VNN1: variants seen among roughly 807,000 people sequenced by gnomAD.
The protein encoded by VNN1 is vanin 1, also known as pantetheinase.
Under a neutral mutation model 41.9 loss-of-function variants are expected in VNN1, and 29 were observed. The observed-to-expected ratio is 0.69, with a 90% CI of 0.52 to 0.94. The LOEUF is 0.94. VNN1 is among the 40% of genes least tolerant of loss of function. VNN1 has a pLI of 0.00. For synonymous variants in VNN1, 233 were observed against 224.4 expected (o/e 1.04, Z -0.34); for missense variants, 637 against 621.1 (o/e 1.03, Z -0.27).
In VNN1 at chr6:132,693,984, T is replaced by A; in HGVS notation, c.534+6A>T. The A allele has an allele frequency of 3.1e-6, 5 of 1,614,058 alleles. No homozygotes were observed. The highest frequency in any genetic ancestry group is 4.2e-6 in the Non-Finnish European group (5 of 1,179,966). On this transcript the variant is annotated splice_donor_region_variant and intron_variant, in intron 3 of 6. Coordinates refer to ENST00000367928, the MANE Select transcript of VNN1 (RefSeq NM_004666.3). ...ACTAATTGGATTATTTGCAAATTAA[T>A]TTTACCTTATGGTAGCGTGCCACCA...
chr6:132,694,287 A>C, intron 2 of VNN1, 105 bp from the exon 3 acceptor site: 2 of 1,118,986 alleles, frequency 1.8e-6, no homozygotes, highest in Non-Finnish European at 2.5e-6. Flanking sequence ...TATATGCAAA[A>C]GTAAATTCTA....
chr6:132,698,161 T>G (rs1778398331), intron 2 of VNN1, among the ~76,000 whole-genome samples: 1 of 152,242 alleles, frequency 6.6e-6, no homozygotes, highest in Non-Finnish European at 1.5e-5. Flanking sequence ...GCTTCATCCA[T>G]GATATTTGCT....
intron 2 of VNN1, among the ~76,000 whole-genome samples, chr6:132,696,306 T>A (rs978597733): frequency 2.6e-5 from 4 of 152,016 alleles, no homozygotes; most frequent in South Asian, 4.2e-4. Flanking sequence ...ACAAAAAATA[T>A]TAAAGAAAAT....
In VNN1 at chr6:132,692,533, T is replaced by G. The variant is rs781161333; in HGVS notation, c.878A>C (p.Lys293Thr). 2 of 1,608,046 alleles carry G rather than the reference T, an allele frequency of 1.2e-6. No homozygotes were observed. Among genetic ancestry groups the G allele is most frequent in the South Asian group, 2.2e-5 (2 of 90,568 alleles). Residue 293 changes from lysine to threonine, a missense_variant, in exon 5 of 7, where the codon AAG becomes ACG. Coordinates refer to ENST00000367928, the MANE Select transcript of VNN1 (RefSeq NM_004666.3). ...GAGGAGGAGTTTTCCCTCTTCTGTC[T>G]TCATATCATAATGAAATGCTCTTGA... Reference protein sequence around the residue: ...NSSRAFHYDMKTEEGKLLLSQ... With the variant: ...NSSRAFHYDMTTEEGKLLLSQ...
intron 1 of VNN1, 119 bp downstream of exon 1, chr6:132,713,707 G>T: frequency 1.8e-6 from 2 of 1,085,840 alleles, no homozygotes; most frequent in Non-Finnish European, 2.6e-6. Flanking sequence ...AAAGGTTCTT[G>T]GCTACTCTGA....
intron 5 of VNN1, among the ~76,000 whole-genome samples, chr6:132,689,327 T>C (rs1778250771): frequency 6.6e-6 from 1 of 152,146 alleles, no homozygotes; most frequent in Non-Finnish European, 1.5e-5. Flanking sequence ...TGAGTCTCTG[T>C]TAAACCATTG....
Position 132,681,042 on chromosome 6 carries a change from T to G in VNN1, c.*2098A>C, listed in dbSNP as rs547502436. On this transcript the variant is annotated 3_prime_UTR_variant, in exon 7 of 7. Transcript: ENST00000367928. ...TATAAATATAAATACATATATTCAC[T>G]ATGATAGCATCCAAAATGGCCCCCA... Among the ~76,000 whole-genome samples the G allele has an allele frequency of 6.6e-6, 1 of 152,288 alleles. No individual in the cohort carries two copies. Among genetic ancestry groups the G allele is most frequent in the African/African-American group, 2.4e-5 (1 of 41,560 alleles).
In VNN1 at chr6:132,713,814, T is replaced by C. The variant is rs760517506; in HGVS notation, c.210+12A>G. The C allele has an allele frequency of 4.3e-6, 7 of 1,611,920 alleles. No homozygotes were observed. The highest frequency in any genetic ancestry group is 1.1e-5 in the South Asian group (1 of 90,980). On this transcript the variant is annotated intron_variant, in intron 1 of 6. Coordinates refer to ENST00000367928, the MANE Select transcript of VNN1 (RefSeq NM_004666.3). ...AGAATCCAGTACACTGGAGAGATGGTAGAGATGGTACCTGATCTGCTGCTG... is the reference window on the plus strand; with the variant it reads ...AGAATCCAGTACACTGGAGAGATGGCAGAGATGGTACCTGATCTGCTGCTG...
intron 2 of VNN1, among the ~76,000 whole-genome samples, chr6:132,706,473 A>G (rs1397201845): frequency 6.6e-6 from 1 of 152,168 alleles, no homozygotes; most frequent in Non-Finnish European, 1.5e-5. Context: ...ATGAAAGTAG[A>G]CCCCTATCTC....
At chr6:132,710,763 A>C (rs2114376932) in intron 2 of VNN1, among the ~76,000 whole-genome samples, 1 of 152,302 alleles carries the variant, frequency 6.6e-6, no homozygotes, top group South Asian at 2.1e-4. Context: ...TTCTTTATCC[A>C]GTCTACCATT....
At chr6:132,691,009 A>G (rs1778274509) in intron 5 of VNN1, among the ~76,000 whole-genome samples, 1 of 152,216 alleles carries the variant, frequency 6.6e-6, no homozygotes, top group Non-Finnish European at 1.5e-5. Flanking sequence ...CCACGGATAA[A>G]GGACCAAACA....
At chr6:132,704,734 T>TA (rs1318425209) in intron 2 of VNN1, among the ~76,000 whole-genome samples, 2 of 147,908 alleles carry the variant, frequency 1.4e-5, no homozygotes, top group Non-Finnish European at 3.0e-5. Flanking sequence ...GAAATTGAAA[T>TA]AAAAAACATC....
chr6:132,713,655 T>C (rs1450192278), intron 1 of VNN1, among the ~76,000 whole-genome samples, 171 bp downstream of exon 1: 1 of 152,230 alleles, frequency 6.6e-6, no homozygotes, highest in African/African-American at 2.4e-5. Flanking sequence ...GGGAAGTCCT[T>C]GCTCTAATTT....
chr6:132,703,789 T>C (rs565568283), intron 2 of VNN1, among the ~76,000 whole-genome samples: 169 of 151,992 alleles, frequency 1.1e-3, no homozygotes, highest in African/African-American at 3.9e-3. Context: ...AAAAAATCAA[T>C]GGCAATGGTC....
At chr6:132,707,675 C>T (rs1207416555) in intron 2 of VNN1, among the ~76,000 whole-genome samples, 2 of 152,192 alleles carry the variant, frequency 1.3e-5, no homozygotes, top group South Asian at 2.1e-4. Flanking sequence ...GAAAGGCAAA[C>T]ATCACATGTT....
chr6:132,696,799 G>A (rs918366879), intron 2 of VNN1, among the ~76,000 whole-genome samples: 3 of 150,654 alleles, frequency 2.0e-5, no homozygotes, highest in Non-Finnish European at 3.0e-5. Flanking sequence ...GAGGGGAGAG[G>A]AGGGGAGGGG....
intron 2 of VNN1, among the ~76,000 whole-genome samples, chr6:132,694,503 G>T (rs951943319): frequency 3.9e-5 from 6 of 152,102 alleles, no homozygotes; most frequent in African/African-American, 1.4e-4. Flanking sequence ...GGATATCATA[G>T]ATCAATGACT....
intron 2 of VNN1, among the ~76,000 whole-genome samples, chr6:132,709,830 G>A (rs947219631): frequency 6.6e-6 from 1 of 152,096 alleles, no homozygotes; most frequent in African/African-American, 2.4e-5. Context: ...CTAGGGAAAG[G>A]CCATTCAGAA....
intron 5 of VNN1, among the ~76,000 whole-genome samples, chr6:132,686,221 C>T (rs561644465): frequency 3.9e-5 from 6 of 152,136 alleles, no homozygotes; most frequent in South Asian, 4.1e-4. Flanking sequence ...CCGAGGCAGG[C>T]GGATCACTTG....
Sources: allele counts gnomAD v4.1 joint callset (sites outside exome capture counted in the v4.1 genomes callset), GRCh38; gene constraint gnomAD v4.1.1; transcripts MANE v1.5; gene names NCBI Gene and HGNC (gene_info 2026-07-23, HGNC 2026-07-21).